RPSA2: variants seen among roughly 807,000 people sequenced by gnomAD.
RPSA2 encodes the protein ribosomal protein SA 2, also known as small ribosomal subunit protein uS2B.
At chr19:23,800,443 C>T in the RPSA2 span, among the ~76,000 whole-genome samples, 5 of 152,072 alleles carry the variant, frequency 3.3e-5, no homozygotes, top group African/African-American at 7.2e-5. Flanking sequence ...AAGGTGCCAA[C>T]CAAGCTTTAC....
chr19:23,840,752 GT>G, the RPSA2 span, among the ~76,000 whole-genome samples: 1 of 151,908 alleles, frequency 6.6e-6, no homozygotes, highest in African/African-American at 2.4e-5. Context: ...GAGGTCAGGA[GT>G]TTGAGACCAG....
chr19:23,843,221 C>T, the RPSA2 span: 1 of 263,870 alleles, frequency 3.8e-6, no homozygotes, highest in Non-Finnish European at 7.9e-6. Context: ...CTGCCTTGAG[C>T]AAATAAAAGA....
the RPSA2 span, among the ~76,000 whole-genome samples, chr19:23,847,227 G>T: frequency 2.7e-5 from 4 of 148,856 alleles, no homozygotes; most frequent in African/African-American, 4.9e-5. Context: ...TTTCTTTAAG[G>T]ATGTCTATCT....
chr19:23,863,398 T>A, the RPSA2 span, among the ~76,000 whole-genome samples: 2 of 152,174 alleles, frequency 1.3e-5, no homozygotes, highest in African/African-American at 4.8e-5. Context: ...ACCCTATCTC[T>A]GCTACAAATA....
the RPSA2 span, among the ~76,000 whole-genome samples, chr19:23,792,568 T>TAC: frequency 0.016 from 5 of 320 alleles, no homozygotes; most frequent in Admixed American, 0.29. Flanking sequence ...AAGTAGCAAC[T>TAC]AAGTTTTTTT....
At chr19:23,826,295 C>G in the RPSA2 span, among the ~76,000 whole-genome samples, 1 of 151,696 alleles carries the variant, frequency 6.6e-6, no homozygotes, top group Non-Finnish European at 1.5e-5. Flanking sequence ...CGGGTTCAAG[C>G]AATTCTCACG....
chr19:23,832,673 T>A, the RPSA2 span: 8 of 1,482,620 alleles, frequency 5.4e-6, no homozygotes, highest in East Asian at 2.8e-5. Flanking sequence ...CTATGGTTCA[T>A]TACCCTAACT....
the RPSA2 span, among the ~76,000 whole-genome samples, chr19:23,778,425 A>G: frequency 0.98 from 148,943 of 152,270 alleles, 72,937 homozygotes; most frequent in Middle Eastern, 1. Flanking sequence ...TGTTGGTCAG[A>G]CTGGTCTCGA....
the RPSA2 span, among the ~76,000 whole-genome samples, chr19:23,860,215 T>C: frequency 6.6e-6 from 1 of 152,182 alleles, no homozygotes; most frequent in Admixed American, 6.5e-5. Context: ...TTCTAAGCAA[T>C]CATTCATGTT....
At chr19:23,760,140 G>A in the RPSA2 span, among the ~76,000 whole-genome samples, 1 of 152,128 alleles carries the variant, frequency 6.6e-6, no homozygotes, top group Non-Finnish European at 1.5e-5. Context: ...TTAACAAAGT[G>A]TGGAGCTGGG....
the RPSA2 span, chr19:23,818,905 C>T: frequency 6.6e-6 from 1 of 152,544 alleles, no homozygotes; most frequent in Non-Finnish European, 1.5e-5. Context: ...CAATGGGTCC[C>T]TGCATACCTA....
the RPSA2 span, among the ~76,000 whole-genome samples, chr19:23,806,663 T>C: frequency 0.011 from 1,644 of 151,388 alleles, 33 homozygotes; most frequent in African/African-American, 0.038. Context: ...CACGTGCTAG[T>C]AGTCCCAGCT....
chr19:23,814,444 C>T, the RPSA2 span, among the ~76,000 whole-genome samples: 1 of 152,112 alleles, frequency 6.6e-6, no homozygotes, highest in East Asian at 1.9e-4. Context: ...TCTGTTCTTT[C>T]ATCTGTTTAT....
At chr19:23,825,199 T>A in the RPSA2 span, among the ~76,000 whole-genome samples, 2 of 152,134 alleles carry the variant, frequency 1.3e-5, no homozygotes, top group Admixed American at 1.3e-4. Context: ...AGGATGGGCT[T>A]GATCTCCTGA....
the RPSA2 span, among the ~76,000 whole-genome samples, chr19:23,816,542 A>T: frequency 6.6e-6 from 1 of 152,054 alleles, no homozygotes; most frequent in African/African-American, 2.4e-5. Flanking sequence ...TTATTGCCTT[A>T]AATTTTATTT....
the RPSA2 span, chr19:23,827,167 C>T: frequency 3.0e-5 from 27 of 894,044 alleles, no homozygotes; most frequent in African/African-American, 6.5e-5. Flanking sequence ...TCACAATGTC[C>T]GGAGCCCTTG....
At chr19:23,813,609 A>G in the RPSA2 span, among the ~76,000 whole-genome samples, 141 of 152,220 alleles carry the variant, frequency 9.3e-4, no homozygotes, top group African/African-American at 3.2e-3. Context: ...TATTTTAGAT[A>G]TAGATTAATA....
At chr19:23,802,464 A>G in the RPSA2 span, among the ~76,000 whole-genome samples, 1 of 152,196 alleles carries the variant, frequency 6.6e-6, no homozygotes, top group Non-Finnish European at 1.5e-5. Context: ...GTCACTGGAA[A>G]TGCTCTCACA....
At chr19:23,776,260 A>G in the RPSA2 span, among the ~76,000 whole-genome samples, 5 of 152,216 alleles carry the variant, frequency 3.3e-5, no homozygotes, top group Non-Finnish European at 7.3e-5. Flanking sequence ...TTTAACCCAC[A>G]GATGAATCGT....
Sources: allele counts gnomAD v4.1 joint callset (sites outside exome capture counted in the v4.1 genomes callset), GRCh38; gene constraint gnomAD v4.1.1; transcripts MANE v1.5; gene names NCBI Gene and HGNC (gene_info 2026-07-23, HGNC 2026-07-21).